The following FAM135B variants were observed in gnomAD, a reference collection of about 807,000 sequenced individuals.
FAM135B encodes the protein family with sequence similarity 135 member B, also known as protein FAM135B.
In FAM135B, 43 loss-of-function variants were observed where a neutral mutation model predicts 127.7. The ratio of observed to expected loss-of-function variants is 0.34; its 90% CI spans 0.26 to 0.43. The LOEUF is 0.43. Among genes scored for constraint, FAM135B ranks in the 20% least tolerant of loss-of-function variants. The pLI is 1.00. For synonymous variants in FAM135B, 670 were observed against 665.1 expected, an observed-to-expected ratio of 1.01 and a Z score of -0.11; for missense variants, 1,558 against 1,725.6, an observed-to-expected ratio of 0.90 and a Z score of 1.72.
intron 1 of FAM135B, among the ~76,000 whole-genome samples, chr8:138,478,114 C>A (rs1264358502): frequency 6.6e-6 from 1 of 152,132 alleles, no homozygotes; most frequent in African/African-American, 2.4e-5. Context: ...GAAAACTACA[C>A]ATAATTTCTT....
intron 3 of FAM135B, among the ~76,000 whole-genome samples, chr8:138,284,930 C>A (rs551210558): frequency 3.3e-5 from 5 of 151,880 alleles, no homozygotes; most frequent in Admixed American, 3.3e-4. Context: ...AGTTGCTCAA[C>A]AGATATTGGC....
chr8:138,489,515 A>G (rs906711304), intron 1 of FAM135B, among the ~76,000 whole-genome samples: 2 of 152,068 alleles, frequency 1.3e-5, no homozygotes, highest in African/African-American at 2.4e-5. Flanking sequence ...CTTTTCTCCA[A>G]TGCATTCTTT....
intron 7 of FAM135B, among the ~76,000 whole-genome samples, chr8:138,199,789 TC>T (rs1380650589): frequency 1.3e-5 from 2 of 152,074 alleles, no homozygotes; most frequent in Admixed American, 1.3e-4. Flanking sequence ...CCATAAGATC[TC>T]ATGAGAACTC....
chr8:138,310,264 T>A (rs1244684869), intron 3 of FAM135B, among the ~76,000 whole-genome samples: 1 of 152,182 alleles, frequency 6.6e-6, no homozygotes, highest in Non-Finnish European at 1.5e-5. Flanking sequence ...ATTATGTCTG[T>A]CTTTATTTCT....
At chr8:138,222,462 A>G (rs1472060667) in intron 7 of FAM135B, among the ~76,000 whole-genome samples, 2 of 152,160 alleles carry the variant, frequency 1.3e-5, no homozygotes, top group African/African-American at 4.8e-5. Context: ...TATTCACTGC[A>G]GTTTTACCAA....
chr8:138,410,239 A>G (rs1225368444), intron 1 of FAM135B, among the ~76,000 whole-genome samples: 1 of 152,142 alleles, frequency 6.6e-6, no homozygotes, highest in Non-Finnish European at 1.5e-5. Flanking sequence ...GCATAAAATG[A>G]CCACACCCCT....
intron 1 of FAM135B, among the ~76,000 whole-genome samples, chr8:138,369,997 C>T (rs1255058544): frequency 2.0e-5 from 3 of 152,108 alleles, no homozygotes; most frequent in Non-Finnish European, 1.5e-5. Flanking sequence ...CCCAAGAGTG[C>T]CAGCCTACCA....
At chr8:138,459,642 G>A (rs1837010190) in intron 1 of FAM135B, 2 of 152,200 alleles carry the variant, frequency 1.3e-5, no homozygotes, top group African/African-American at 4.8e-5. Context: ...ACTCCACCCT[G>A]AACCTCAGCT....
intron 7 of FAM135B, among the ~76,000 whole-genome samples, chr8:138,235,656 C>T (rs1009186505): frequency 6.6e-6 from 1 of 152,102 alleles, no homozygotes; most frequent in East Asian, 1.9e-4. Flanking sequence ...TCAGTTTCCC[C>T]CTCCCCACCC....
At chr8:138,497,688 C>T (rs73444362), upstream of FAM135B, among the ~76,000 whole-genome samples, 5,347 of 152,246 alleles carry the variant, frequency 0.035, 201 homozygotes, top group African/African-American at 0.093. Context: ...CGATGGGCTC[C>T]TCACTTCATG....
intron 1 of FAM135B, among the ~76,000 whole-genome samples, chr8:138,382,751 C>T (rs1831937846): frequency 6.6e-6 from 1 of 152,142 alleles, no homozygotes; most frequent in African/African-American, 2.4e-5. Flanking sequence ...GCAATAGACA[C>T]TCAATGAATT....
chr8:138,391,465 TC>T (rs1157113139), intron 1 of FAM135B, among the ~76,000 whole-genome samples: 1 of 151,954 alleles, frequency 6.6e-6, no homozygotes, highest in East Asian at 1.9e-4. Flanking sequence ...TCCAGAACAG[TC>T]AAGCCATTTC....
chr8:138,325,775 T>A (rs1226450517), intron 2 of FAM135B, among the ~76,000 whole-genome samples: 1 of 152,176 alleles, frequency 6.6e-6, no homozygotes, highest in Non-Finnish European at 1.5e-5. Flanking sequence ...GCAACAACCC[T>A]AATGGTGCTT....
intron 3 of FAM135B, among the ~76,000 whole-genome samples, chr8:138,274,715 G>A (rs969615739): frequency 1.3e-5 from 2 of 152,142 alleles, no homozygotes; most frequent in Non-Finnish European, 2.9e-5. Context: ...ACCCCCAGCT[G>A]CACATTCTCT....
intron 12 of FAM135B, 61 bp from the exon 13 acceptor site, chr8:138,153,277 C>A: frequency 7.5e-7 from 1 of 1,328,124 alleles, no homozygotes; most frequent in Non-Finnish European, 1.0e-6. Context: ...TACAAGTTAT[C>A]CAAATGTCTA....
intron 7 of FAM135B, among the ~76,000 whole-genome samples, chr8:138,207,398 T>C (rs564194332): frequency 3.9e-5 from 6 of 152,008 alleles, no homozygotes; most frequent in Non-Finnish European, 2.9e-5. Flanking sequence ...TTAGTAGAGA[T>C]GGAGTTTCAT....
chr8:138,292,547 C>T (rs1471039976), intron 3 of FAM135B, among the ~76,000 whole-genome samples: 1 of 152,040 alleles, frequency 6.6e-6, no homozygotes, highest in East Asian at 1.9e-4. Flanking sequence ...GGACATACTG[C>T]CCAAAACCAT....
chr8:138,279,610 A>G (rs57120175), intron 3 of FAM135B, among the ~76,000 whole-genome samples: 4,358 of 152,320 alleles, frequency 0.029, 150 homozygotes, highest in East Asian at 0.085. Flanking sequence ...TTATCTTCAC[A>G]TATAAAGTAA....
At chr8:138,476,452 G>A (rs1168218529) in intron 1 of FAM135B, among the ~76,000 whole-genome samples, 1 of 150,562 alleles carries the variant, frequency 6.6e-6, no homozygotes, top group Admixed American at 6.6e-5. Flanking sequence ...TGCATGTATG[G>A]GGATGGGGGA....
Sources: allele counts gnomAD v4.1 joint callset (sites outside exome capture counted in the v4.1 genomes callset), GRCh38; gene constraint gnomAD v4.1.1; transcripts MANE v1.5; gene names NCBI Gene and HGNC (gene_info 2026-07-23, HGNC 2026-07-21).